The following COP1 variants were observed in gnomAD, a reference collection of about 807,000 sequenced individuals.
COP1 encodes the protein COP1 E3 ubiquitin ligase.
In COP1, 24 loss-of-function variants were observed where a neutral mutation model predicts 101.3. That is an observed-to-expected ratio of 0.24 (90% CI 0.17 to 0.33). The LOEUF is 0.33. Ranked by LOEUF, COP1 falls within the 10% of genes least tolerant of loss-of-function variation. COP1 has a pLI of 1.00. For synonymous variants in COP1, 347 were observed against 341.9 expected, an observed-to-expected ratio of 1.01 and a Z score of -0.17; for missense variants, 663 against 906.2, an observed-to-expected ratio of 0.73 and a Z score of 3.45.
chr1:176,082,573 G>A (rs753902888), intron 10 of COP1, among the ~76,000 whole-genome samples: 20 of 152,082 alleles, frequency 1.3e-4, no homozygotes, highest in Non-Finnish European at 1.6e-4. Context: ...TTGGGAGGCC[G>A]AGGCAGGCGG....
chr1:176,124,280 T>G (rs1687645005), intron 8 of COP1, among the ~76,000 whole-genome samples: 1 of 152,166 alleles, frequency 6.6e-6, no homozygotes, highest in Admixed American at 6.5e-5. Context: ...ATTATACTTT[T>G]TAAGTTATTT....
chr1:176,020,923 T>G (rs995587201), intron 15 of COP1, among the ~76,000 whole-genome samples: 5 of 152,342 alleles, frequency 3.3e-5, no homozygotes, highest in Admixed American at 2.0e-4. Flanking sequence ...GCACAAGCTG[T>G]GGGCAAAAAT....
intron 9 of COP1, among the ~76,000 whole-genome samples, chr1:176,106,490 C>T (rs1262405760): frequency 2.0e-5 from 3 of 152,246 alleles, no homozygotes; most frequent in African/African-American, 7.2e-5. Context: ...AAGATTCTGA[C>T]CTTCCCTAAA....
intron 5 of COP1, 45 bp from the exon 6 acceptor site, chr1:176,149,119 G>T: frequency 7.7e-7 from 1 of 1,299,514 alleles, no homozygotes; most frequent in Non-Finnish European, 1.1e-6. Flanking sequence ...ATATAACTGA[G>T]TTGAAAGTTT....
chr1:176,054,649 G>A (rs1012546889), intron 11 of COP1, among the ~76,000 whole-genome samples: 8 of 151,836 alleles, frequency 5.3e-5, no homozygotes, highest in African/African-American at 9.7e-5. Flanking sequence ...ATACTTGTGC[G>A]GTAAGTCCCA....
intron 6 of COP1, among the ~76,000 whole-genome samples, chr1:176,139,102 T>TA (rs1432007706): frequency 6.6e-6 from 1 of 151,168 alleles, no homozygotes; most frequent in South Asian, 2.1e-4. Context: ...ATAACCCCAT[T>TA]AAAAAATGGG....
chr1:176,009,056 G>C (rs77845472), intron 15 of COP1, among the ~76,000 whole-genome samples: 5,110 of 152,154 alleles, frequency 0.034, 116 homozygotes, highest in Non-Finnish European at 0.047. Context: ...GTTTTTCCTG[G>C]ATATGCACAC....
At chr1:176,175,409 A>G (rs1696784801) in intron 3 of COP1, among the ~76,000 whole-genome samples, 1 of 152,222 alleles carries the variant, frequency 6.6e-6, no homozygotes, top group African/African-American at 2.4e-5. Context: ...GACTGAAGGG[A>G]GGTGGAAGGG....
intron 18 of COP1, among the ~76,000 whole-genome samples, chr1:175,958,213 A>C (rs371221122): frequency 1.3e-5 from 2 of 152,092 alleles, no homozygotes; most frequent in African/African-American, 4.8e-5. Context: ...GCTGGGAACA[A>C]ACACACAAGA....
intron 18 of COP1, among the ~76,000 whole-genome samples, chr1:175,964,502 G>T (rs1196191765): frequency 6.6e-6 from 1 of 152,148 alleles, no homozygotes; most frequent in Admixed American, 6.5e-5. Context: ...CACAGAAAAT[G>T]TAAAGTACAC....
chr1:176,084,592 T>C (rs967543710), intron 10 of COP1, among the ~76,000 whole-genome samples: 2 of 152,168 alleles, frequency 1.3e-5, no homozygotes. Context: ...AGGGGCTCCA[T>C]TCCCAGGCAA....
At chr1:176,148,012 C>T (rs1339491663) in intron 6 of COP1, among the ~76,000 whole-genome samples, 1 of 151,990 alleles carries the variant, frequency 6.6e-6, no homozygotes, top group Non-Finnish European at 1.5e-5. Flanking sequence ...ATGCACATTG[C>T]CATTTATATT....
intron 11 of COP1, among the ~76,000 whole-genome samples, chr1:176,079,023 T>C (rs2149387495): frequency 6.6e-6 from 1 of 152,310 alleles, no homozygotes; most frequent in African/African-American, 2.4e-5. Flanking sequence ...AAGGGAATGC[T>C]TACATGCTGT....
intron 1 of COP1, among the ~76,000 whole-genome samples, chr1:176,188,880 A>G (rs748353016): frequency 3.3e-5 from 5 of 151,876 alleles, no homozygotes; most frequent in Non-Finnish European, 7.4e-5. Context: ...AAAGCATCCC[A>G]GAGTTGTGAC....
At chr1:175,994,424 G>A (rs1282446012) in intron 15 of COP1, among the ~76,000 whole-genome samples, 1 of 152,140 alleles carries the variant, frequency 6.6e-6, no homozygotes, top group African/African-American at 2.4e-5. Flanking sequence ...TGGACTAAAT[G>A]CTCCAATGAA....
chr1:176,058,187 G>GC (rs1278488901), intron 11 of COP1, among the ~76,000 whole-genome samples: 6 of 150,156 alleles, frequency 4.0e-5, no homozygotes, highest in Admixed American at 3.3e-4. Flanking sequence ...GTAGGGAGGG[G>GC]GGGGGTCAGC....
intron 18 of COP1, among the ~76,000 whole-genome samples, chr1:175,957,969 AAACTT>A (rs1234515659): frequency 1.3e-5 from 2 of 152,148 alleles, no homozygotes; most frequent in Non-Finnish European, 2.9e-5. Context: ...AGAATAAGCA[AAACTT>A]AACTTATGAT....
intron 9 of COP1, among the ~76,000 whole-genome samples, chr1:176,093,361 T>G (rs1039581858): frequency 1.3e-5 from 2 of 152,142 alleles, no homozygotes; most frequent in Admixed American, 6.5e-5. Context: ...GGTACCAACA[T>G]ATTTTTTAAT....
At chr1:175,992,627 C>T (rs889359900) in intron 15 of COP1, among the ~76,000 whole-genome samples, 7 of 152,320 alleles carry the variant, frequency 4.6e-5, no homozygotes, top group Non-Finnish European at 7.4e-5. Flanking sequence ...CCTACGCCCA[C>T]GGAGTCTCGC....
Sources: gnomAD v4.1 joint callset for allele counts (sites outside exome capture counted in the v4.1 genomes callset) on GRCh38, gnomAD v4.1.1 for gene constraint, MANE v1.5 for transcripts, NCBI Gene and HGNC (gene_info 2026-07-23, HGNC 2026-07-21) for gene names.